TTLL5: variants seen among roughly 807,000 people sequenced by gnomAD.
TTLL5 encodes the protein tubulin tyrosine ligase like 5, also known as tubulin polyglutamylase TTLL5.
In TTLL5, 132 loss-of-function variants were observed where a neutral mutation model predicts 168.4. The ratio of observed to expected loss-of-function variants is 0.78; its 90% CI spans 0.68 to 0.91. The LOEUF is 0.91. TTLL5 is among the 40% of genes least tolerant of loss of function. The pLI, the probability that TTLL5 is intolerant of heterozygous loss-of-function variation, is 0.00. For missense variants in TTLL5, 1,545 were observed against 1,581.5 expected (o/e 0.98, Z 0.39); for synonymous variants, 546 against 558.6 (o/e 0.98, Z 0.32).
chr14:75,730,971 G>A (rs976958463), intron 12 of TTLL5, among the ~76,000 whole-genome samples: 2 of 152,176 alleles, frequency 1.3e-5, no homozygotes, highest in South Asian at 2.1e-4. Context: ...GCCTGCCTCG[G>A]CCTCCCAAAG....
chr14:75,719,937 G>C, intron 11 of TTLL5, 111 bp downstream of exon 11: 1 of 1,159,310 alleles, frequency 8.6e-7, no homozygotes, highest in South Asian at 1.3e-5. Context: ...GAGACGGGAT[G>C]ATTGTCCTTG....
intron 12 of TTLL5, among the ~76,000 whole-genome samples, chr14:75,729,277 C>T (rs957508270): frequency 1.2e-4 from 19 of 152,182 alleles, no homozygotes; most frequent in African/African-American, 4.6e-4. Flanking sequence ...TGCACCCATT[C>T]ATGACAGGAA....
At chr14:75,758,452 G>T (rs948677362) in intron 18 of TTLL5, among the ~76,000 whole-genome samples, 1 of 152,132 alleles carries the variant, frequency 6.6e-6, no homozygotes, top group Non-Finnish European at 1.5e-5. Context: ...TTTGAGTCAA[G>T]AAATATGCTT....
chr14:75,896,250 G>A (rs1235587282), intron 30 of TTLL5, among the ~76,000 whole-genome samples: 2 of 151,856 alleles, frequency 1.3e-5, no homozygotes, highest in Non-Finnish European at 1.5e-5. Flanking sequence ...TGGATATGTC[G>A]AAAATTGTAG....
intron 31 of TTLL5, among the ~76,000 whole-genome samples, chr14:75,917,777 G>A (rs1291072600): frequency 6.6e-6 from 1 of 152,232 alleles, no homozygotes; most frequent in Non-Finnish European, 1.5e-5. Context: ...AAGCTCTGCA[G>A]CAGAGGGTGG....
chr14:75,743,982 C>G lies in TTLL5; in HGVS notation c.1282-1113C>G, dbSNP rs367748987. On this transcript the variant is annotated intron_variant, in intron 15 of 31. Coordinates refer to ENST00000298832, the MANE Select transcript of TTLL5 (RefSeq NM_015072.5). ...CTTCCAAAAGTCCCATCTCCAAATGCTGTCACATTGGAGGTTAGGACTTCA... is the reference window on the plus strand; with the variant it reads ...CTTCCAAAAGTCCCATCTCCAAATGGTGTCACATTGGAGGTTAGGACTTCA... 2.0e-5 allele frequency among the ~76,000 whole-genome samples: 3 copies of G among 152,264 alleles called. No homozygotes were observed. The South Asian group carries it at 6.2e-4, about 32-fold the overall frequency.
intron 28 of TTLL5, among the ~76,000 whole-genome samples, chr14:75,853,709 TTGTC>T (rs1349084871): frequency 6.6e-6 from 1 of 152,218 alleles, no homozygotes; most frequent in African/African-American, 2.4e-5. Context: ...GTTTGCATGT[TTGTC>T]TGTTTAAAAT....
intron 10 of TTLL5, 24 bp downstream of exon 10, chr14:75,717,986 A>G: frequency 6.2e-7 from 1 of 1,606,406 alleles, no homozygotes; most frequent in Non-Finnish European, 8.5e-7. Context: ...CTGAGCCAGA[A>G]GTCAGAGGTG....
intron 10 of TTLL5, among the ~76,000 whole-genome samples, chr14:75,718,524 GA>G (rs1161192113): frequency 1.3e-5 from 2 of 151,792 alleles, no homozygotes; most frequent in African/African-American, 4.8e-5. Context: ...GAGGGGGGAG[GA>G]AAAAAAGACC....
intron 24 of TTLL5, among the ~76,000 whole-genome samples, chr14:75,782,190 T>C (rs1892099389): frequency 6.6e-6 from 1 of 151,960 alleles, no homozygotes; most frequent in Non-Finnish European, 1.5e-5. Flanking sequence ...ATTATTATTA[T>C]TTTTCCAGAT....
chr14:75,662,993 A>G, intron 1 of TTLL5, 62 bp from the exon 2 acceptor site: 1 of 718,198 alleles, frequency 1.4e-6, no homozygotes, highest in Non-Finnish European at 2.5e-6. Context: ...AGCAATAACC[A>G]ATAAATAGAC....
chr14:75,902,120 A>G (rs1182459066), intron 30 of TTLL5, 22 bp from the exon 31 acceptor site: 2 of 1,613,870 alleles, frequency 1.2e-6, no homozygotes, highest in Non-Finnish European at 8.5e-7. Context: ...TGCAGGTCTG[A>G]CCAAGCTCCT....
Position 75,776,853 on chromosome 14 carries a change from A to G in TTLL5, c.2387+3A>G. On this transcript the variant is annotated splice_donor_region_variant and intron_variant, in intron 23 of 31. Coordinates refer to ENST00000298832, the MANE Select transcript of TTLL5 (RefSeq NM_015072.5). ...CAGGAGTTCATCAGACAAGCAAGGT[A>G]GTAGACATTCTTGATTGATAAAAGC... 2 of 1,606,898 alleles carry G rather than the reference A, an allele frequency of 1.2e-6. No homozygotes were observed. The highest frequency in any genetic ancestry group is 1.3e-5 in the African/African-American group (1 of 74,824).
rs146290730 is a variant in TTLL5 at position 75,807,182 on chromosome 14, G to A, written c.3172-12825G>A. ...ACGATTGATGGCTGGGTGCAGTGGC[G>A]CACTCCTATAATCCCAGCACTTTGG... On this transcript the variant is annotated intron_variant, in intron 27 of 31. Transcript: ENST00000298832. Among the ~76,000 whole-genome samples the A allele has an allele frequency of 1.6e-3, 236 of 152,140 alleles. 1 individual carries two copies. Among genetic ancestry groups the A allele is most frequent in the African/African-American group, 5.3e-3 (219 of 41,496 alleles).
chr14:75,846,730 C>T (rs1310057026), intron 28 of TTLL5, among the ~76,000 whole-genome samples: 7 of 139,172 alleles, frequency 5.0e-5, no homozygotes, highest in East Asian at 2.2e-4. Flanking sequence ...GCGGAGGTTG[C>T]GGTGAGCCGA....
chr14:75,883,622 CAT>C (rs1302416268), intron 30 of TTLL5, among the ~76,000 whole-genome samples: 2 of 152,238 alleles, frequency 1.3e-5, no homozygotes, highest in Non-Finnish European at 2.9e-5. Context: ...AATCCTAAAA[CAT>C]AGAAAAAGTC....
intron 31 of TTLL5, among the ~76,000 whole-genome samples, chr14:75,928,393 C>CTGT: frequency 9.0e-6 from 1 of 110,796 alleles, no homozygotes; most frequent in African/African-American, 3.5e-5. Context: ...TTTACTCTAT[C>CTGT]ATTTCCTGGG....
intron 23 of TTLL5, 118 bp downstream of exon 23, chr14:75,776,968 C>T (rs1012944714): frequency 1.5e-5 from 12 of 798,710 alleles, no homozygotes; most frequent in Admixed American, 5.7e-5. Flanking sequence ...CTCTTAAAGC[C>T]GGGCACAGTG....
intron 28 of TTLL5, among the ~76,000 whole-genome samples, chr14:75,843,658 C>T (rs576286799): frequency 6.6e-6 from 1 of 152,160 alleles, no homozygotes; most frequent in Non-Finnish European, 1.5e-5. Context: ...GCCTCGGTTG[C>T]CTCATCTGTA....
Sources: allele counts gnomAD v4.1 joint callset (sites outside exome capture counted in the v4.1 genomes callset), GRCh38; gene constraint gnomAD v4.1.1; transcripts MANE v1.5; gene names NCBI Gene and HGNC (gene_info 2026-07-23, HGNC 2026-07-21).